The following BCAS3 variants were observed in gnomAD, a reference collection of about 807,000 sequenced individuals.
The protein encoded by BCAS3 is BCAS4/BCAS3 fusion.
In BCAS3, 53 loss-of-function variants were observed where a neutral mutation model predicts 116.1. That is an observed-to-expected ratio of 0.46 (90% confidence interval 0.37 to 0.57). The LOEUF is 0.57. Ranked by LOEUF, BCAS3 falls within the 20% of genes least tolerant of loss-of-function variation. The pLI is 0.00. For synonymous variants in BCAS3, 391 were observed against 408.2 expected (o/e 0.96, Z 0.51); for missense variants, 917 against 1,165.4 (o/e 0.79, Z 3.10).
intron 19 of BCAS3, among the ~76,000 whole-genome samples, chr17:61,074,209 C>A (rs1263857182): frequency 6.8e-6 from 1 of 146,628 alleles, no homozygotes. Flanking sequence ...TTGCTGTGAA[C>A]CTAAAACTGC....
chr17:60,710,305 G>A (rs1490819452), intron 5 of BCAS3, among the ~76,000 whole-genome samples: 2 of 152,088 alleles, frequency 1.3e-5, no homozygotes, highest in Non-Finnish European at 2.9e-5. Flanking sequence ...CTCCTTGAAT[G>A]ATGTATAAGC....
chr17:61,290,118 G>GA (rs1177340894), intron 22 of BCAS3, among the ~76,000 whole-genome samples: 1 of 152,132 alleles, frequency 6.6e-6, no homozygotes, highest in African/African-American at 2.4e-5. Context: ...ATACTTAAAA[G>GA]AAAAAATGCA....
At chr17:60,911,634 C>T (rs867355671) in intron 12 of BCAS3, among the ~76,000 whole-genome samples, 4 of 151,936 alleles carry the variant, frequency 2.6e-5, no homozygotes, top group African/African-American at 4.8e-5. Context: ...GCGGTTTCGC[C>T]GTGTTGGCCT....
chr17:61,056,604 G>A lies in BCAS3; in HGVS notation c.2029+15712G>A, dbSNP rs1023131516. 1.3e-5 allele frequency among the ~76,000 whole-genome samples: 2 copies of A among 152,046 alleles called. No individual in the cohort carries two copies. The highest frequency in any genetic ancestry group is 4.8e-5 in the African/African-American group (2 of 41,406). ...TCCCCTTAGAACTTACTGATGTTGT[G>A]TTTATTGTTATATATACTGGCTTGT... On this transcript the variant is annotated intron_variant, in intron 19 of 23. Transcript: ENST00000407086. This position sits in a 1 kb window ranked among gnomAD's most constrained non-coding sequence, Gnocchi z 4.9.
chr17:61,101,779 G>T (rs747517533), intron 22 of BCAS3, among the ~76,000 whole-genome samples: 1 of 152,046 alleles, frequency 6.6e-6, no homozygotes, highest in Non-Finnish European at 1.5e-5. Flanking sequence ...TCCCTACCTT[G>T]ATTTCAGAAT....
intron 10 of BCAS3, among the ~76,000 whole-genome samples, chr17:60,892,826 G>A (rs1057001830): frequency 6.6e-6 from 1 of 152,052 alleles, no homozygotes; most frequent in African/African-American, 2.4e-5. Context: ...GGAGGCTGAG[G>A]CAGGAGAATC....
Position 61,118,609 on chromosome 17 carries a change from C to T in BCAS3, c.2425+34045C>T, listed in dbSNP as rs999520507. 9.2e-5 allele frequency among the ~76,000 whole-genome samples: 14 copies of T among 152,108 alleles called. No homozygotes were observed. Among genetic ancestry groups the T allele is most frequent in the Non-Finnish European group, 1.8e-4 (12 of 68,024 alleles). The stretch of plus-strand genomic sequence containing the variant: ...GGTGGAGTCTGGGCTCCCTACTTGG[C>T]CTTTCCCACTGTGGGTGGTGGGGGT... On this transcript the variant is annotated intron_variant, in intron 22 of 23. Coordinates refer to ENST00000407086, the MANE Select transcript of BCAS3 (RefSeq NM_017679.5). This position sits in a 1 kb window ranked among gnomAD's most constrained non-coding sequence, Gnocchi z 5.0.
chr17:61,304,580 A>C (rs1335311031), intron 22 of BCAS3, among the ~76,000 whole-genome samples: 1 of 152,028 alleles, frequency 6.6e-6, no homozygotes, highest in African/African-American at 2.4e-5. Context: ...TATTTCCCCC[A>C]TGAAAGGAAG....
At position 60,757,045 on chromosome 17, in the gene BCAS3, C is replaced by T. The variant is rs140503600; in HGVS notation, c.403+9766C>T. The stretch of plus-strand genomic sequence containing the variant: ...GGGCGTGTTGGCGCGTGCCTGTAGT[C>T]GCAGCTACTCGGGAGGCTGAGGCAG... On this transcript the variant is annotated intron_variant, in intron 6 of 23. Coordinates refer to ENST00000407086, the MANE Select transcript of BCAS3 (RefSeq NM_017679.5). Among the ~76,000 whole-genome samples the T allele has an allele frequency of 5.1e-3, 770 of 152,100 alleles. 5 individuals are homozygous for T. Among genetic ancestry groups the T allele is most frequent in the African/African-American group, 0.018 (741 of 41,444 alleles).
At chr17:61,328,888 C>CT (rs2055960832) in intron 22 of BCAS3, among the ~76,000 whole-genome samples, 2 of 145,568 alleles carry the variant, frequency 1.4e-5, no homozygotes, top group African/African-American at 5.1e-5. Flanking sequence ...AAGACGCAGG[C>CT]TCTTTTTTTT....
intron 13 of BCAS3, among the ~76,000 whole-genome samples, chr17:60,937,580 A>T (rs1295813978): frequency 1.3e-5 from 2 of 152,322 alleles, no homozygotes; most frequent in Middle Eastern, 3.4e-3. Flanking sequence ...CATCTCTGAA[A>T]TACACAGAAT....
chr17:60,758,331 A>G (rs7219750), intron 6 of BCAS3, among the ~76,000 whole-genome samples: 110,406 of 152,102 alleles, frequency 0.73, 45,772 homozygotes, highest in South Asian at 0.98. Context: ...TATCTTTTTG[A>G]AGAACCAACT....
At position 61,082,304 on chromosome 17, in the gene BCAS3, A is replaced by G. The variant is rs1015767075; in HGVS notation, c.2328-2163A>G. On this transcript the variant is annotated intron_variant, in intron 21 of 23. Transcript: ENST00000407086. This position sits in a 1 kb window ranked among gnomAD's most constrained non-coding sequence, Gnocchi z 5.1. The stretch of plus-strand genomic sequence containing the variant: ...GTCAGTGGGTTTTAGTATATTCACT[A>G]TGTTTGGCATCCATCCCACTAATTT... Among the ~76,000 whole-genome samples the G allele has an allele frequency of 1.3e-5, 2 of 152,178 alleles. No homozygotes were observed. Among genetic ancestry groups the G allele is most frequent in the African/African-American group, 4.8e-5 (2 of 41,442 alleles).
chr17:60,714,676 G>A (rs551231259), intron 5 of BCAS3, among the ~76,000 whole-genome samples: 11 of 152,236 alleles, frequency 7.2e-5, no homozygotes, highest in African/African-American at 2.6e-4. Context: ...TCCCACCTGG[G>A]AGTCTCAGGT....
intron 3 of BCAS3, 76 bp downstream of exon 3, chr17:60,684,112 A>G: frequency 7.3e-7 from 1 of 1,377,540 alleles, no homozygotes; most frequent in African/African-American, 1.4e-5. Context: ...TAAACTTGAC[A>G]CTAGTACCAG....
At chr17:61,308,880 G>C (rs1381343698) in intron 22 of BCAS3, among the ~76,000 whole-genome samples, 2 of 152,114 alleles carry the variant, frequency 1.3e-5, no homozygotes, top group Non-Finnish European at 2.9e-5. Context: ...TATGGTTTGA[G>C]TTTTTTCAGC....
chr17:61,168,428 A>G (rs1888578205), intron 22 of BCAS3, among the ~76,000 whole-genome samples: 1 of 152,244 alleles, frequency 6.6e-6, no homozygotes, highest in Non-Finnish European at 1.5e-5. Context: ...ATGCAATCAA[A>G]TGAAAGCTAA....
At chr17:60,715,583 G>A (rs1271048113) in intron 5 of BCAS3, among the ~76,000 whole-genome samples, 1 of 151,962 alleles carries the variant, frequency 6.6e-6, no homozygotes. Flanking sequence ...CCGCCTCCTG[G>A]GTTCAAGCAA....
rs1426059186 is a variant in BCAS3, at chr17:61,200,117, T to G, written c.2425+115553T>G. 2.0e-5 allele frequency among the ~76,000 whole-genome samples: 3 copies of G among 152,212 alleles called. No individual in the cohort carries two copies. Among genetic ancestry groups the G allele is most frequent in the Non-Finnish European group, 4.4e-5 (3 of 68,036 alleles). On this transcript the variant is annotated intron_variant, in intron 22 of 23. Coordinates refer to ENST00000407086, the MANE Select transcript of BCAS3 (RefSeq NM_017679.5). This position sits in a 1 kb window ranked among gnomAD's most constrained non-coding sequence, Gnocchi z 5.1. Reference sequence around the variant, plus strand: ...ACTACAGCATCCTGTCTAAGCCAGTTTGAAGTTGCCCCCCTTCATTTCTTA... The same window carrying G: ...ACTACAGCATCCTGTCTAAGCCAGTGTGAAGTTGCCCCCCTTCATTTCTTA...
Sources: gnomAD v4.1 joint callset for allele counts (sites outside exome capture counted in the v4.1 genomes callset) on GRCh38, gnomAD v4.1.1 for gene constraint, Gnocchi (gnomAD v3.1) non-coding constraint, MANE v1.5 for transcripts, NCBI Gene and HGNC (gene_info 2026-07-23, HGNC 2026-07-21) for gene names.